COG5: variants seen among roughly 807,000 people sequenced by gnomAD.
COG5 encodes the protein conserved oligomeric Golgi complex subunit 5.
Under a neutral mutation model 110.4 loss-of-function variants are expected in COG5, and 86 were observed. The ratio of observed to expected loss-of-function variants is 0.78; its 90% CI spans 0.65 to 0.93. The LOEUF (loss-of-function observed/expected upper bound fraction) is 0.93. Among genes scored for constraint, COG5 ranks in the 40% least tolerant of loss-of-function variants. The probability of loss-of-function intolerance (pLI) is 0.00; values close to 1 mark genes in which losing one functional copy is unlikely to be tolerated. For missense variants in COG5, 1,077 were observed against 987.0 expected, an observed-to-expected ratio of 1.09 and a Z score of -1.22; for synonymous variants, 360 against 334.6, an observed-to-expected ratio of 1.08 and a Z score of -0.83.
intron 6 of COG5, among the ~76,000 whole-genome samples, chr7:107,431,783 G>A (rs564131778): frequency 1.1e-3 from 172 of 152,054 alleles, no homozygotes; most frequent in Non-Finnish European, 2.0e-3. Flanking sequence ...AGCCTCCAAC[G>A]TAGCTGGGAC....
chr7:107,258,328 C>T lies in COG5; in HGVS notation c.1631G>A (p.Arg544Lys). The T allele has an allele frequency of 6.2e-7, 1 of 1,613,466 alleles. No individual in the cohort carries two copies. The highest frequency in any genetic ancestry group is 8.5e-7 in the Non-Finnish European group (1 of 1,179,494). The change falls in exon 15 of 22, where the codon AGA becomes AAA. Residue 544 changes from arginine to lysine, a missense_variant. Coordinates refer to ENST00000297135, the MANE Select transcript of COG5 (RefSeq NM_006348.5). ...QVIGPLTEGQRRNVAVVNSLY... is the reference protein window; with the variant it reads ...QVIGPLTEGQKRNVAVVNSLY... ...TGAATTCACTACTGCCACATTTCTT[C>T]TCTGTCCTTCAGTAAGAGGCCCAAT...
intron 3 of COG5, 56 bp from the exon 4 acceptor site, chr7:107,548,388 TAA>T: frequency 6.8e-7 from 1 of 1,473,466 alleles, no homozygotes; most frequent in Non-Finnish European, 9.5e-7. Context: ...TCCAACTGGG[TAA>T]ATAGTTAAAT....
chr7:107,434,953 G>A (rs1466130919), intron 6 of COG5, among the ~76,000 whole-genome samples: 2 of 150,280 alleles, frequency 1.3e-5, no homozygotes, highest in Middle Eastern at 3.2e-3. Flanking sequence ...CTGGACGACA[G>A]AGCGAGACTC....
intron 10 of COG5, among the ~76,000 whole-genome samples, chr7:107,336,797 A>G (rs778871112): frequency 1.3e-3 from 201 of 152,308 alleles, no homozygotes; most frequent in Non-Finnish European, 2.2e-3. Context: ...GGCTACCGCT[A>G]CTACCACAGC....
chr7:107,205,294 G>A (rs530652131), intron 21 of COG5, among the ~76,000 whole-genome samples: 1 of 152,236 alleles, frequency 6.6e-6, no homozygotes, highest in African/African-American at 2.4e-5. Context: ...TCCATGCTCT[G>A]GTCAGTGCCT....
chr7:107,418,448 A>G (rs923932085), intron 6 of COG5, among the ~76,000 whole-genome samples: 21 of 135,924 alleles, frequency 1.5e-4, no homozygotes, highest in African/African-American at 3.1e-4. Flanking sequence ...AATTTATCCA[A>G]TCACAAATGA....
chr7:107,479,219 T>C (rs1003937171), intron 6 of COG5, among the ~76,000 whole-genome samples: 3 of 152,248 alleles, frequency 2.0e-5, no homozygotes, highest in South Asian at 2.1e-4. Flanking sequence ...ATAAAGCTGC[T>C]GCAGCATATT....
chr7:107,317,472 A>C (rs192950623), intron 11 of COG5, among the ~76,000 whole-genome samples: 3 of 152,342 alleles, frequency 2.0e-5, no homozygotes, highest in South Asian at 2.1e-4. Context: ...TTACATTCAC[A>C]TAAGATTGAG....
At chr7:107,211,902 T>C (rs983051676) in intron 19 of COG5, among the ~76,000 whole-genome samples, 1 of 152,240 alleles carries the variant, frequency 6.6e-6, no homozygotes, top group Non-Finnish European at 1.5e-5. Flanking sequence ...TGAGCTCTTA[T>C]GGATGAGAGC....
intron 2 of COG5, among the ~76,000 whole-genome samples, chr7:107,555,760 CCAG>C (rs1333941592): frequency 2.0e-5 from 3 of 151,830 alleles, no homozygotes; most frequent in African/African-American, 7.3e-5. Context: ...ACCTGTAATC[CCAG>C]CACTTTGGGA....
chr7:107,292,134 C>T (rs1017839270), intron 12 of COG5, among the ~76,000 whole-genome samples: 1 of 152,060 alleles, frequency 6.6e-6, no homozygotes, highest in Non-Finnish European at 1.5e-5. Context: ...CTTCCCAGGC[C>T]CAAGTGATCC....
chr7:107,282,548 G>T (rs1476373013), intron 13 of COG5, among the ~76,000 whole-genome samples: 1 of 152,078 alleles, frequency 6.6e-6, no homozygotes, highest in Non-Finnish European at 1.5e-5. Flanking sequence ...TTGAGACAGG[G>T]TTTCGCTCTG....
At chr7:107,467,980 C>T (rs992689015) in intron 6 of COG5, among the ~76,000 whole-genome samples, 2 of 152,138 alleles carry the variant, frequency 1.3e-5, no homozygotes, top group Non-Finnish European at 2.9e-5. Context: ...AACTTGAAAA[C>T]ACTGTCTCAC....
rs189746837 is a variant in COG5 at position 107,369,800 on chromosome 7, A to G, written c.835+2795T>C. Among the ~76,000 whole-genome samples, 3 of 152,316 alleles carry G rather than the reference A, an allele frequency of 2.0e-5. No homozygotes were observed. In the East Asian group the frequency reaches 5.8e-4, roughly 29 times the overall value. On this transcript the variant is annotated intron_variant, in intron 8 of 21. Transcript: ENST00000297135. ...CCACCTTAGAGATAAAATTGATAAAATTGAGTAAAGTGAATTTTATTCTCC... is the reference window on the plus strand; with the variant it reads ...CCACCTTAGAGATAAAATTGATAAAGTTGAGTAAAGTGAATTTTATTCTCC...
At chr7:107,214,099 C>T (rs1444892466) in intron 19 of COG5, among the ~76,000 whole-genome samples, 2 of 151,778 alleles carry the variant, frequency 1.3e-5, no homozygotes, top group Non-Finnish European at 2.9e-5. Context: ...AATAGAAATC[C>T]TGGAAATGGA....
intron 2 of COG5, among the ~76,000 whole-genome samples, chr7:107,557,524 C>T (rs775912856): frequency 6.6e-6 from 1 of 152,156 alleles, no homozygotes; most frequent in Non-Finnish European, 1.5e-5. Flanking sequence ...AATTAGGACC[C>T]GTCGCCTAAC....
chr7:107,272,116 T>C (rs1804325453), intron 14 of COG5, among the ~76,000 whole-genome samples: 2 of 152,136 alleles, frequency 1.3e-5, no homozygotes, highest in South Asian at 4.2e-4. Flanking sequence ...AAAAATTCTG[T>C]GAAAGGAAAA....
intron 6 of COG5, among the ~76,000 whole-genome samples, chr7:107,426,292 C>T (rs1395652392): frequency 6.6e-6 from 1 of 152,198 alleles, no homozygotes; most frequent in Non-Finnish European, 1.5e-5. Flanking sequence ...ATCTGCTCCA[C>T]TTTACAGATG....
chr7:107,465,391 C>G (rs1320236392), intron 6 of COG5, among the ~76,000 whole-genome samples: 2 of 152,002 alleles, frequency 1.3e-5, no homozygotes, highest in Non-Finnish European at 2.9e-5. Flanking sequence ...ACAAATCTAA[C>G]AAAATATGTG....
Sources: allele counts gnomAD v4.1 joint callset (sites outside exome capture counted in the v4.1 genomes callset), GRCh38; gene constraint gnomAD v4.1.1; transcripts MANE v1.5; gene names NCBI Gene and HGNC (gene_info 2026-07-23, HGNC 2026-07-21).